The following GULP1 variants were observed in gnomAD, a reference collection of about 807,000 sequenced individuals.
The protein encoded by GULP1 is GULP PTB domain containing engulfment adaptor 1.
Under a neutral mutation model 40.9 loss-of-function variants are expected in GULP1, and 19 were observed. The ratio of observed to expected loss-of-function variants is 0.46; its 90% CI spans 0.32 to 0.68. The LOEUF is 0.68. Ranked by LOEUF, GULP1 falls within the 30% of genes least tolerant of loss-of-function variation. The pLI is 0.03. For synonymous variants in GULP1, 119 were observed against 117.6 expected, an observed-to-expected ratio of 1.01 and a Z score of -0.08; for missense variants, 312 against 362.2, an observed-to-expected ratio of 0.86 and a Z score of 1.12.
At chr2:188,475,257 GAT>G (rs1380857368) in intron 2 of GULP1, among the ~76,000 whole-genome samples, 1 of 152,080 alleles carries the variant, frequency 6.6e-6, no homozygotes, top group Non-Finnish European at 1.5e-5. Context: ...TGACTTATCT[GAT>G]ATATATCGAC....
At chr2:188,322,737 T>C (rs2040171105) in intron 1 of GULP1, among the ~76,000 whole-genome samples, 2 of 152,166 alleles carry the variant, frequency 1.3e-5, no homozygotes, top group South Asian at 4.1e-4. Context: ...TTGTAGACTT[T>C]ATGGCTGAGT....
intron 1 of GULP1, among the ~76,000 whole-genome samples, chr2:188,383,514 A>G (rs1182734027): frequency 2.6e-5 from 4 of 152,194 alleles, no homozygotes; most frequent in Admixed American, 2.6e-4. Flanking sequence ...TAATAGTAAC[A>G]TATCTGTGAG....
At chr2:188,438,482 CAT>C (rs1455619545) in intron 2 of GULP1, among the ~76,000 whole-genome samples, 1 of 150,526 alleles carries the variant, frequency 6.6e-6, no homozygotes, top group Non-Finnish European at 1.5e-5. Flanking sequence ...AGTATATTAA[CAT>C]AACAATTATT....
chr2:188,332,924 G>A lies in GULP1; in HGVS notation c.-172+40758G>A, dbSNP rs574125803. Among the ~76,000 whole-genome samples the A allele has an allele frequency of 1.1e-4, 17 of 152,210 alleles. No homozygotes were observed. The East Asian group carries it at 1.2e-3, about 10-fold the overall frequency. ...TTAAAGAGCTTGGATAAGTAGCTTC[G>A]TCAGCTTTTGTATTGTGGCAGCAGT... is the stretch of plus-strand genomic sequence containing the variant. On this transcript the variant is annotated intron_variant, in intron 1 of 11. Coordinates refer to ENST00000409830, the MANE Select transcript of GULP1 (RefSeq NM_016315.4).
intron 1 of GULP1, among the ~76,000 whole-genome samples, chr2:188,302,947 TTTG>T (rs2036402361): frequency 6.6e-6 from 1 of 152,216 alleles, no homozygotes; most frequent in Non-Finnish European, 1.5e-5. Context: ...TCTTGTAGTA[TTTG>T]AAGTTGAGCC....
chr2:188,374,035 A>T (rs1304892641), intron 1 of GULP1, among the ~76,000 whole-genome samples: 1 of 152,072 alleles, frequency 6.6e-6, no homozygotes, highest in African/African-American at 2.4e-5. Context: ...ATGTGACATC[A>T]TTTCTTAAGC....
chr2:188,387,139 G>A (rs2049883608), intron 2 of GULP1, among the ~76,000 whole-genome samples: 1 of 152,022 alleles, frequency 6.6e-6, no homozygotes, highest in African/African-American at 2.4e-5. Context: ...GAGAGGCTGA[G>A]GCAGGAGATC....
chr2:188,463,240 A>G (rs1002101251), intron 2 of GULP1, among the ~76,000 whole-genome samples: 1 of 152,142 alleles, frequency 6.6e-6, no homozygotes, highest in African/African-American at 2.4e-5. Flanking sequence ...TTTGTCTGGT[A>G]AAAGGTTTAT....
chr2:188,490,882 C>T (rs1249563899), intron 4 of GULP1, among the ~76,000 whole-genome samples: 1 of 152,066 alleles, frequency 6.6e-6, no homozygotes, highest in African/African-American at 2.4e-5. Context: ...TAGTTCACTG[C>T]AACCTCTGCC....
chr2:188,438,344 T>C (rs2057607895), intron 2 of GULP1, among the ~76,000 whole-genome samples: 1 of 151,646 alleles, frequency 6.6e-6, no homozygotes, highest in African/African-American at 2.4e-5. Context: ...GAGTGTGATA[T>C]ATACATATAT....
intron 1 of GULP1, among the ~76,000 whole-genome samples, chr2:188,345,059 C>A (rs1303189111): frequency 1.3e-5 from 2 of 150,520 alleles, no homozygotes; most frequent in African/African-American, 4.8e-5. Flanking sequence ...TTCTTTAAAA[C>A]CTCAGAGTAT....
chr2:188,369,136 T>A (rs945675215), intron 1 of GULP1, among the ~76,000 whole-genome samples: 13 of 151,004 alleles, frequency 8.6e-5, no homozygotes, highest in Admixed American at 8.6e-4. Flanking sequence ...AATTTTTGTA[T>A]TTTTAGTAGA....
At chr2:188,556,685 C>T (rs1694842658) in intron 7 of GULP1, among the ~76,000 whole-genome samples, 1 of 152,102 alleles carries the variant, frequency 6.6e-6, no homozygotes, top group Non-Finnish European at 1.5e-5. Context: ...GTCACTTCTT[C>T]CTGTTTTTGA....
intron 2 of GULP1, among the ~76,000 whole-genome samples, chr2:188,438,488 AATT>A (rs1310154405): frequency 6.6e-6 from 1 of 150,968 alleles, no homozygotes; most frequent in African/African-American, 2.4e-5. Flanking sequence ...TTAACATAAC[AATT>A]ATTAATATAA....
In GULP1 at chr2:188,292,991, C is replaced by G. The variant is rs986104705; in HGVS notation, c.-172+825C>G. 6.6e-6 allele frequency: 1 copy of G among 152,412 alleles called. No individual in the cohort carries two copies. Among genetic ancestry groups the G allele is most frequent in the Non-Finnish European group, 1.5e-5 (1 of 68,234 alleles). 9.4% of individuals were successfully genotyped at this position (152,412 alleles called of 1,614,324 possible). A position where few individuals can be genotyped will look rare whatever the true frequency, so the allele number is the denominator to read the frequency against. On this transcript the variant is annotated intron_variant, in intron 1 of 11. Transcript: ENST00000409830. This position sits in a 1 kb window ranked among gnomAD's most constrained non-coding sequence, Gnocchi z 4.0. The stretch of plus-strand genomic sequence containing the variant: ...TATTCTGAGGCTCCTGCGGCTGCCG[C>G]GCTGACTTCCCTGTGTGCGGGAGGG...
chr2:188,582,186 A>T (rs186539230), intron 9 of GULP1, among the ~76,000 whole-genome samples: 1 of 152,236 alleles, frequency 6.6e-6, no homozygotes, highest in African/African-American at 2.4e-5. Flanking sequence ...AGGAAAATCA[A>T]CTCTAACTCT....
chr2:188,402,980 T>C (rs1293046865), intron 2 of GULP1, among the ~76,000 whole-genome samples: 1 of 152,170 alleles, frequency 6.6e-6, no homozygotes, highest in Non-Finnish European at 1.5e-5. Flanking sequence ...AAGATGGGAT[T>C]AGAACCCAGT....
At chr2:188,411,252 T>C (rs1432050625) in intron 2 of GULP1, among the ~76,000 whole-genome samples, 2 of 151,058 alleles carry the variant, frequency 1.3e-5, no homozygotes, top group East Asian at 2.0e-4. Context: ...TCAGGGTCTG[T>C]GGGACAGACC....
chr2:188,433,619 G>A (rs1268500585), intron 2 of GULP1, among the ~76,000 whole-genome samples: 2 of 152,070 alleles, frequency 1.3e-5, no homozygotes, highest in Non-Finnish European at 2.9e-5. Flanking sequence ...GCTTTCAATG[G>A]GCACATCTTG....
Sources: gnomAD v4.1 joint callset for allele counts (sites outside exome capture counted in the v4.1 genomes callset) on GRCh38, gnomAD v4.1.1 for gene constraint, Gnocchi (gnomAD v3.1) non-coding constraint, MANE v1.5 for transcripts, NCBI Gene and HGNC (gene_info 2026-07-23, HGNC 2026-07-21) for gene names.